Variants in FTO observed in about 807,000 individuals in gnomAD.
FTO encodes the protein alpha-ketoglutarate-dependent dioxygenase FTO.
FTO carries 47 observed loss-of-function variants against 63.9 expected under a neutral mutation model. The ratio of observed to expected loss-of-function variants is 0.74; its 90% confidence interval spans 0.58 to 0.94. The LOEUF (loss-of-function observed/expected upper bound fraction) is 0.94, where lower values mean the gene tolerates loss of function less well. FTO is among the 40% of genes least tolerant of loss of function. The probability of loss-of-function intolerance (pLI) is 0.00; values close to 1 mark genes in which losing one functional copy is unlikely to be tolerated. For missense variants in FTO, 562 were observed against 618.1 expected (o/e 0.91, Z 0.96); for synonymous variants, 207 against 224.4 (o/e 0.92, Z 0.69).
At chr16:53,755,409 G>C (rs1050467631) in intron 1 of FTO, among the ~76,000 whole-genome samples, 1 of 152,260 alleles carries the variant, frequency 6.6e-6, no homozygotes, top group East Asian at 1.9e-4. Context: ...ATATTCAGCT[G>C]TCTGATCCCG....
intron 8 of FTO, chr16:53,991,790 A>T (rs182029568): frequency 6.6e-6 from 1 of 152,320 alleles, no homozygotes; most frequent in Admixed American, 6.5e-5. Context: ...CAGAGTTGAA[A>T]GGGAACAGCT....
At chr16:53,704,291 G>A (rs774799921) in intron 1 of FTO, 62 bp downstream of exon 1, 1 of 1,509,496 alleles carries the variant, frequency 6.6e-7, no homozygotes, top group Admixed American at 2.0e-5. Context: ...CAGGGAACCG[G>A]AAGGGCTTGG....
intron 8 of FTO, among the ~76,000 whole-genome samples, chr16:53,949,180 C>T (rs571462616): frequency 6.6e-5 from 10 of 152,186 alleles, no homozygotes; most frequent in Non-Finnish European, 1.5e-4. Context: ...CACCATTTCT[C>T]CTGTTACACC....
chr16:53,720,684 A>G (rs1341367404), intron 1 of FTO, among the ~76,000 whole-genome samples: 2 of 148,806 alleles, frequency 1.3e-5, no homozygotes, highest in Non-Finnish European at 3.0e-5. Flanking sequence ...AGATATATAT[A>G]TATCTGTGTC....
intron 8 of FTO, among the ~76,000 whole-genome samples, chr16:54,011,469 G>A (rs532606854): frequency 6.6e-4 from 101 of 152,206 alleles, no homozygotes; most frequent in African/African-American, 2.2e-3. Flanking sequence ...CAGAATACCA[G>A]GTCATATCCA....
chr16:53,906,827 C>A (rs566760131), intron 7 of FTO, among the ~76,000 whole-genome samples: 33 of 152,232 alleles, frequency 2.2e-4, no homozygotes, highest in African/African-American at 7.7e-4. Context: ...ACTGAAGAAG[C>A]AGCACCACTC....
intron 8 of FTO, among the ~76,000 whole-genome samples, chr16:53,953,868 C>T (rs1023781057): frequency 2.0e-5 from 3 of 152,184 alleles, no homozygotes; most frequent in African/African-American, 7.2e-5. Flanking sequence ...TGTCCATTCT[C>T]CACAGTGCAT....
intron 8 of FTO, among the ~76,000 whole-genome samples, chr16:53,953,743 T>C (rs187641954): frequency 3.3e-4 from 51 of 152,284 alleles, no homozygotes; most frequent in Non-Finnish European, 4.9e-4. Context: ...ATGAAGGGGC[T>C]TTTATAGCCA....
intron 1 of FTO, among the ~76,000 whole-genome samples, chr16:53,809,633 C>T (rs1269759124): frequency 1.3e-5 from 2 of 152,044 alleles, no homozygotes; most frequent in South Asian, 2.1e-4. Flanking sequence ...TGCTTCATAC[C>T]GTGTGTAATT....
intron 1 of FTO, among the ~76,000 whole-genome samples, chr16:53,809,326 G>A (rs1286311966): frequency 1.3e-5 from 2 of 152,166 alleles, no homozygotes; most frequent in African/African-American, 4.8e-5. Flanking sequence ...ACCGTAAGTG[G>A]ATATGATCTC....
chr16:53,796,033 TTTTC>T (rs1357580044), intron 1 of FTO, among the ~76,000 whole-genome samples: 98 of 144,700 alleles, frequency 6.8e-4, no homozygotes, highest in African/African-American at 2.2e-3. Context: ...GTTTTGTTTT[TTTTC>T]TTTCTTTCTT....
At chr16:54,027,835 T>G (rs1257398033) in intron 8 of FTO, among the ~76,000 whole-genome samples, 1 of 152,218 alleles carries the variant, frequency 6.6e-6, no homozygotes, top group Non-Finnish European at 1.5e-5. Context: ...TGTATTGTTC[T>G]CACTGTATTT....
chr16:54,108,031 G>A (rs1219921748), intron 8 of FTO, among the ~76,000 whole-genome samples: 1 of 152,158 alleles, frequency 6.6e-6, no homozygotes, highest in African/African-American at 2.4e-5. Flanking sequence ...TGGCTGTAGA[G>A]GTGGAGCTAG....
intron 4 of FTO, among the ~76,000 whole-genome samples, chr16:53,871,414 C>A (rs905320475): frequency 3.3e-5 from 5 of 151,996 alleles, no homozygotes; most frequent in African/African-American, 9.7e-5. Flanking sequence ...CTGATCTTTT[C>A]TTCTGCAGTT....
chr16:53,925,047 T>A (rs554294430), intron 7 of FTO, among the ~76,000 whole-genome samples: 2 of 151,572 alleles, frequency 1.3e-5, no homozygotes, highest in Non-Finnish European at 2.9e-5. Flanking sequence ...TTCTTCTTTT[T>A]TTTCTTTCTT....
At chr16:53,907,488 T>A (rs1182116514) in intron 7 of FTO, among the ~76,000 whole-genome samples, 2 of 152,172 alleles carry the variant, frequency 1.3e-5, no homozygotes, top group African/African-American at 2.4e-5. Flanking sequence ...ACCTGGCCAA[T>A]GATAGAAATG....
chr16:54,102,012 T>G (rs2144598173), intron 8 of FTO, among the ~76,000 whole-genome samples: 1 of 152,308 alleles, frequency 6.6e-6, no homozygotes, highest in East Asian at 1.9e-4. Context: ...AATGGGGTTG[T>G]TTTTCTCTGG....
chr16:53,739,315 C>T (rs1191426424), intron 1 of FTO, among the ~76,000 whole-genome samples: 2 of 151,958 alleles, frequency 1.3e-5, no homozygotes, highest in African/African-American at 2.4e-5. Flanking sequence ...ACACCATTCT[C>T]CTGCTTCAGC....
intron 8 of FTO, among the ~76,000 whole-genome samples, chr16:53,946,299 G>C (rs751845854): frequency 2.0e-5 from 3 of 152,198 alleles, no homozygotes; most frequent in Non-Finnish European, 4.4e-5. Context: ...TGGTCAGACT[G>C]TTCAGTATCC....
Sources: allele counts gnomAD v4.1 joint callset (sites outside exome capture counted in the v4.1 genomes callset), GRCh38; gene constraint gnomAD v4.1.1; transcripts MANE v1.5; gene names NCBI Gene and HGNC (gene_info 2026-07-23, HGNC 2026-07-21).